The following PRICKLE4 variants were observed in gnomAD, a reference collection of about 807,000 sequenced individuals.
PRICKLE4 encodes prickle-like protein 4.
Under a neutral mutation model 43.5 loss-of-function variants are expected in PRICKLE4, and 40 were observed. The observed-to-expected ratio is 0.92, with a 90% CI of 0.71 to 1.20. The LOEUF is 1.20. PRICKLE4 is among the 50% of genes most tolerant of loss of function. PRICKLE4 has a pLI of 0.00. For missense variants in PRICKLE4, 527 were observed against 491.2 expected, an observed-to-expected ratio of 1.07 and a Z score of -0.69; for synonymous variants, 208 against 197.4, an observed-to-expected ratio of 1.05 and a Z score of -0.45.
chr6:41,782,929 A>G (rs1364919656), intron 2 of PRICKLE4, among the ~76,000 whole-genome samples: 1 of 152,114 alleles, frequency 6.6e-6, no homozygotes, highest in African/African-American at 2.4e-5. Context: ...AGCTCAGGGA[A>G]GGGAGAGCTG....
In PRICKLE4 at chr6:41,784,723, T is replaced by G. The variant is rs1178524199; in HGVS notation, c.241-212T>G. The G allele has an allele frequency of 9.9e-6, 6 of 607,342 alleles. No individual in the cohort carries two copies. The East Asian group carries it at 1.5e-4, about 15-fold the overall frequency. 37.6% of individuals were successfully genotyped at this position (607,342 alleles called of 1,614,324 possible). A position where few individuals can be genotyped will look rare whatever the true frequency, so the allele number is the denominator to read the frequency against. On this transcript the variant is annotated intron_variant, in intron 4 of 7. Transcript: ENST00000458694. The stretch of plus-strand genomic sequence containing the variant: ...TGCTGTGGGCCTGTCAGGACCTGAT[T>G]GATGACATTCCTAGTGGGGCAGGGT...
rs763975973 is a variant in PRICKLE4, at chr6:41,786,597, C to G, written c.788-165C>G. 3.2e-6 allele frequency: 4 copies of G among 1,257,364 alleles called. No homozygotes were observed. In the South Asian group the frequency reaches 5.4e-5, roughly 17 times the overall value. The allele number at this position is 1,257,364 out of a possible 1,614,324, so 77.9% of individuals were successfully genotyped here. On this transcript the variant is annotated intron_variant, in intron 7 of 7. Coordinates refer to ENST00000458694, the MANE Select transcript of PRICKLE4 (RefSeq NM_013397.6). ...CTCCCAGGCGCGGGAGGCGGACGCC[C>G]TCTGGTGGAGGCGGGGGACCCTGGC...
intron 5 of PRICKLE4, 115 bp downstream of exon 5, chr6:41,785,187 A>G (rs1048821758): frequency 1.3e-6 from 2 of 1,555,270 alleles, no homozygotes; most frequent in Middle Eastern, 1.7e-4. Context: ...AAAAACAGAA[A>G]CCAAGTTTGC....
chr6:41,783,367 A>C (rs1772583035), intron 2 of PRICKLE4, 95 bp from the exon 3 acceptor site: 1 of 1,263,432 alleles, frequency 7.9e-7, no homozygotes. Context: ...GGGTGTTGGG[A>C]GGACTGAGGG....
In PRICKLE4 at chr6:41,780,812, C is replaced by T; in HGVS notation, c.-198C>T. ...AGTCGGTCCAGAACTGCCCGGACAG[C>T]GACGCACAGCGAGGGTGAGACCCCA... is the stretch of plus-strand genomic sequence containing the variant. On this transcript the variant is annotated 5_prime_UTR_variant, in exon 1 of 8. Transcript: ENST00000458694. 4.6e-6 allele frequency: 1 copy of T among 215,942 alleles called. No homozygotes were observed. The highest frequency in any genetic ancestry group is 5.2e-5 in the South Asian group (1 of 19,376). The allele number at this position is 215,942 out of a possible 1,614,324, so 13.4% of individuals were successfully genotyped here. A position where few individuals can be genotyped will look rare whatever the true frequency, so the allele number is the denominator to read the frequency against.
intron 1 of PRICKLE4, 123 bp downstream of exon 1, chr6:41,780,949 A>G (rs1348865263): frequency 6.1e-6 from 1 of 163,604 alleles, no homozygotes; most frequent in East Asian, 1.9e-4. Flanking sequence ...GTTCCAGAAA[A>G]ACTCTGGGGA....
At chr6:41,785,646 G>C in intron 6 of PRICKLE4, 106 bp downstream of exon 6, 2 of 1,214,462 alleles carry the variant, frequency 1.6e-6, no homozygotes, top group Non-Finnish European at 2.3e-6. Context: ...CAGGGAGTGG[G>C]GAGAAGTAGG....
chr6:41,785,630 C>A, intron 6 of PRICKLE4, 90 bp downstream of exon 6: 1 of 1,377,388 alleles, frequency 7.3e-7, no homozygotes, highest in Admixed American at 2.0e-5. Flanking sequence ...CAGTTTCTCC[C>A]AGTATCAGGG....
Position 41,787,258 on chromosome 6 carries a change from G to A in PRICKLE4, c.*129G>A, listed in dbSNP as rs1772681491. 1.5e-6 allele frequency: 2 copies of A among 1,376,012 alleles called. No homozygotes were observed. The highest frequency in any genetic ancestry group is 1.5e-5 in the South Asian group (1 of 66,724). The allele number at this position is 1,376,012 out of a possible 1,614,324, so 85.2% of individuals were successfully genotyped here. A position where few individuals can be genotyped will look rare whatever the true frequency, so the allele number is the denominator to read the frequency against. On this transcript the variant is annotated 3_prime_UTR_variant, in exon 8 of 8. Transcript: ENST00000458694. ...GCGCACGCCCGCAAGAGGCGGCGAG[G>A]TGACAAGTTTGGAGTGCGCCCCCTT...
At chr6:41,784,304 G>C in intron 4 of PRICKLE4, 66 bp downstream of exon 4, 3 of 1,292,118 alleles carry the variant, frequency 2.3e-6, no homozygotes, top group Non-Finnish European at 3.2e-6. Flanking sequence ...CTTACTGTGG[G>C]AAGAACCTCA....
In PRICKLE4 at chr6:41,785,514, C is replaced by A; in HGVS notation, c.556C>A (p.Arg186Ser). 1 of 1,613,482 alleles carries A rather than the reference C, an allele frequency of 6.2e-7. No homozygotes were observed. The highest frequency in any genetic ancestry group is 1.1e-5 in the South Asian group (1 of 91,088). The change falls in exon 6 of 8, where the codon CGC becomes AGC. Residue 186 changes from arginine (R) to serine (S), a missense_variant. Physicochemically the swap from Arg to Ser is moderately radical, Grantham distance 110 (BLOSUM62 -1). Coordinates refer to ENST00000458694, the MANE Select transcript of PRICKLE4 (RefSeq NM_013397.6). Reference sequence around the variant, plus strand: ...CGGCCGTCATCATGCAGAGTTGCTGCGCCCGCGCTGCCCGGCTTGTGACCA... The same window carrying A: ...CGGCCGTCATCATGCAGAGTTGCTGAGCCCGCGCTGCCCGGCTTGTGACCA... ...YCGRHHAELL[R>S]PRCPACDQLI...
At chr6:41,784,096 A>G in intron 3 of PRICKLE4, 35 bp from the exon 4 acceptor site, 1 of 1,485,106 alleles carries the variant, frequency 6.7e-7, no homozygotes, top group Non-Finnish European at 9.3e-7. Flanking sequence ...AGAAAAACCT[A>G]GTTTCACTCC....
chr6:41,784,870 T>C, intron 4 of PRICKLE4, 65 bp from the exon 5 acceptor site: 8 of 1,597,042 alleles, frequency 5.0e-6, no homozygotes, highest in Non-Finnish European at 6.8e-6. Flanking sequence ...CCCTTTTTCC[T>C]CCAACCAATG....
chr6:41,786,872 A>AGG lies in PRICKLE4; in HGVS notation c.902_903dup (p.Leu302GlyfsTer55), dbSNP rs778113369. 1 of 1,606,092 alleles carries AGG rather than the reference A, an allele frequency of 6.2e-7. No homozygotes were observed. On this transcript the variant is annotated frameshift_variant, in exon 8 of 8. Coordinates refer to ENST00000458694, the MANE Select transcript of PRICKLE4 (RefSeq NM_013397.6). LOFTEE classifies it high-confidence loss of function. ...CGGCGGTTCCAGCCTGCAAACTCAG[A>AGG]GGGGGCTGCCTGGATCCAGTCCCCA...
Position 41,786,918 on chromosome 6 carries a change from A to T in PRICKLE4, c.944A>T (p.Asp315Val). 1.2e-6 allele frequency: 2 copies of T among 1,613,584 alleles called. No homozygotes were observed. Among genetic ancestry groups the T allele is most frequent in the Non-Finnish European group, 1.7e-6 (2 of 1,179,704 alleles). Residue 315 changes from aspartate to valine, a missense_variant, in exon 8 of 8, where the codon GAC (aspartate) becomes GTC (valine). Asp to Val is a radical substitution (Grantham distance 152). Transcript: ENST00000458694. ...SSPQQENRPG[D>V]KAEAPKGQEQ... ...CCCCAGCAGGAGAACCGACCTGGGGACAAAGCGGAGGCACCCAAAGGGCAG... is the reference window on the plus strand; with the variant it reads ...CCCCAGCAGGAGAACCGACCTGGGGTCAAAGCGGAGGCACCCAAAGGGCAG...
chr6:41,786,594 G>A, intron 7 of PRICKLE4, 168 bp from the exon 8 acceptor site: 10 of 1,209,732 alleles, frequency 8.3e-6, no homozygotes, highest in Non-Finnish European at 1.1e-5. Flanking sequence ...GGAGGCGGAC[G>A]CCCTCTGGTG....
At chr6:41,783,843 G>A (rs1035865278) in intron 3 of PRICKLE4, 1 of 766,358 alleles carries the variant, frequency 1.3e-6, no homozygotes, top group African/African-American at 1.7e-5. Context: ...CCAGACTCTA[G>A]GGGCTTTGGC....
In PRICKLE4 at chr6:41,784,809, C is replaced by G. The variant is rs145067524; in HGVS notation, c.241-126C>G. ...TCCATTTCCTCTTCTATGCCATTAT[C>G]TCTGGCATCTCCCTGAGGTTCTACA... On this transcript the variant is annotated intron_variant, in intron 4 of 7. Coordinates refer to ENST00000458694, the MANE Select transcript of PRICKLE4 (RefSeq NM_013397.6). 465 of 1,213,518 alleles carry G rather than the reference C, an allele frequency of 3.8e-4. 2 individuals are homozygous for G. In the African/African-American group the frequency reaches 4.8e-3, roughly 12 times the overall value. 75.2% of individuals were successfully genotyped at this position (1,213,518 alleles called of 1,614,324 possible).
At chr6:41,785,779 AT>A (rs1343186339) in intron 6 of PRICKLE4, among the ~76,000 whole-genome samples, 3 of 152,060 alleles carry the variant, frequency 2.0e-5, no homozygotes, top group Non-Finnish European at 2.9e-5. Context: ...GACTCATCGA[AT>A]TTCTCTAGAG....
Sources: allele counts gnomAD v4.1 joint callset (sites outside exome capture counted in the v4.1 genomes callset), GRCh38; gene constraint gnomAD v4.1.1; transcripts MANE v1.5; gene names NCBI Gene and HGNC (gene_info 2026-07-23, HGNC 2026-07-21).